COL17A1: variants seen among roughly 807,000 people sequenced by gnomAD.
COL17A1 encodes collagen type XVII alpha 1 chain.
In COL17A1, 181 loss-of-function variants were observed where a neutral mutation model predicts 218.4. The observed-to-expected ratio is 0.83, with a 90% confidence interval of 0.73 to 0.94. The LOEUF is 0.94. Among genes scored for constraint, COL17A1 ranks in the 40% least tolerant of loss-of-function variants. The pLI is 0.00. For missense variants in COL17A1, 1,924 were observed against 1,945.9 expected, an observed-to-expected ratio of 0.99 and a Z score of 0.21; for synonymous variants, 721 against 731.0, an observed-to-expected ratio of 0.99 and a Z score of 0.22.
Position 104,057,067 on chromosome 10 carries a change from C to T in COL17A1, c.1373G>A (p.Cys458Tyr). The T allele has an allele frequency of 6.2e-7, 1 of 1,611,182 alleles. No homozygotes were observed. The highest frequency in any genetic ancestry group is 2.2e-5 in the East Asian group (1 of 44,806). The change falls in exon 17 of 56, where the codon TGC (cysteine) becomes TAC (tyrosine). Residue 458 changes from cysteine to tyrosine, a missense_variant. Coordinates refer to ENST00000648076, the MANE Select transcript of COL17A1 (RefSeq NM_000494.4). ...PWGPAPAWCPCGSCCSWWKWL... is the reference protein window; with the variant it reads ...PWGPAPAWCPYGSCCSWWKWL... ...CTTCCACCAGCTGCAGCAGGAGCCGCAGGGGCACCAGGCTGGCGCTGGTCC... is the reference window on the plus strand; with the variant it reads ...CTTCCACCAGCTGCAGCAGGAGCCGTAGGGGCACCAGGCTGGCGCTGGTCC...
rs1176668482 is a variant in COL17A1 at position 104,049,324 on chromosome 10, G to A, written c.2227+85C>T. On this transcript the variant is annotated intron_variant, in intron 29 of 55. Transcript: ENST00000648076. Reference sequence around the variant, plus strand: ...GTGGGCAGATTAGAGAGTAGGAGAGGCAGCTCTAGAAGACGGATCTCTCCA... The same window carrying A: ...GTGGGCAGATTAGAGAGTAGGAGAGACAGCTCTAGAAGACGGATCTCTCCA... The A allele has an allele frequency of 6.5e-6, 8 of 1,236,778 alleles. No individual in the cohort carries two copies. In the Admixed American group the frequency reaches 1.2e-4, roughly 18 times the overall value. 76.6% of individuals were successfully genotyped at this position (1,236,778 alleles called of 1,614,324 possible).
At chr10:104,034,918 A>T in intron 50 of COL17A1, 151 bp from the exon 51 acceptor site, 2 of 944,984 alleles carry the variant, frequency 2.1e-6, no homozygotes, top group Non-Finnish European at 1.6e-6. Flanking sequence ...GCAGGAGGCC[A>T]GAGCCTGCTG....
chr10:104,035,287 C>G lies in COL17A1; in HGVS notation c.3595G>C (p.Glu1199Gln). The change falls in exon 50 of 56, where the codon GAG becomes CAG. Residue 1199 changes from glutamate (E) to glutamine (Q), a missense_variant. Transcript: ENST00000648076. ...PGNVWSSISV[E>Q]DLSSYLHTAG... ...CTATGTAAGTAAGACGAGAGGTCCT[C>G]CACGCTGATGCTGGACCACACATTG... 6.2e-7 allele frequency: 1 copy of G among 1,614,074 alleles called. No individual in the cohort carries two copies. Among genetic ancestry groups the G allele is most frequent in the Non-Finnish European group, 8.5e-7 (1 of 1,179,964 alleles).
chr10:104,078,000 T>C, intron 3 of COL17A1, among the ~76,000 whole-genome samples: 1 of 152,192 alleles, frequency 6.6e-6, no homozygotes, highest in Non-Finnish European at 1.5e-5. Context: ...CTGCTCCGAC[T>C]TCACCTGCTG....
At chr10:104,035,612 A>G (rs772755010) in intron 48 of COL17A1, 49 bp from the exon 49 acceptor site, 8 of 1,454,246 alleles carry the variant, frequency 5.5e-6, no homozygotes, top group Admixed American at 1.8e-5. Flanking sequence ...AGATGGAAAC[A>G]CCTGTCAGAG....
chr10:104,074,200 G>C lies in COL17A1; in HGVS notation c.363C>G (p.Tyr121Ter). Residue 121 changes from tyrosine to a stop codon, truncating the protein, a stop_gained, in exon 6 of 56, where the codon TAC (tyrosine) becomes TAG (stop). Transcript: ENST00000648076. LOFTEE classifies it high-confidence loss of function. ...GSSSGNSSPE[Y>*]PRKEFASSST... ...AGGACATACCAAATTCCTTCCGAGG[G>C]TACTCCGGAGAAGAGTTGCCACTGG... 1 of 1,614,160 alleles carries C rather than the reference G, an allele frequency of 6.2e-7. No individual in the cohort carries two copies. Among genetic ancestry groups the C allele is most frequent in the Non-Finnish European group, 8.5e-7 (1 of 1,180,034 alleles).
intron 50 of COL17A1, 113 bp from the exon 51 acceptor site, chr10:104,034,880 G>T: frequency 7.4e-7 from 1 of 1,345,068 alleles, no homozygotes; most frequent in South Asian, 1.4e-5. Flanking sequence ...ATGAGGCTGG[G>T]CCTCCCGGGT....
rs751104700 is a variant in COL17A1, at chr10:104,033,301, C to T, written c.4231G>A (p.Gly1411Ser). 119 of 1,603,632 alleles carry T rather than the reference C, an allele frequency of 7.4e-5. No individual in the cohort carries two copies. Among genetic ancestry groups the T allele is most frequent in the Non-Finnish European group, 9.8e-5 (115 of 1,175,220 alleles). Residue 1411 changes from glycine (G) to serine (S), a missense_variant, in exon 53 of 56, where the codon GGC (glycine) becomes AGC (serine). Gly to Ser is a moderately conservative substitution (Grantham distance 56, BLOSUM62 0). Coordinates refer to ENST00000648076, the MANE Select transcript of COL17A1 (RefSeq NM_000494.4). Reference protein sequence around the residue: ...PGQPGPQGPPGISKVFSAYSN... With the variant: ...PGQPGPQGPPSISKVFSAYSN... ...TAGGCAGAGAAGACCTTGCTGATGCCGGGTGGCCCCTGTGGCCCAGGCTGG... is the reference window on the plus strand; with the variant it reads ...TAGGCAGAGAAGACCTTGCTGATGCTGGGTGGCCCCTGTGGCCCAGGCTGG...
At chr10:104,033,896 C>A in intron 52 of COL17A1, 49 bp downstream of exon 52, 2 of 1,612,638 alleles carry the variant, frequency 1.2e-6, no homozygotes, top group Non-Finnish European at 1.7e-6. Context: ...TCTGGAGATG[C>A]TCCCACGCTC....
chr10:104,071,910 A>C (rs2086672024), intron 8 of COL17A1, 122 bp downstream of exon 8: 1 of 1,473,502 alleles, frequency 6.8e-7, no homozygotes, highest in Non-Finnish European at 9.4e-7. Context: ...TTATGATTGC[A>C]TGCATGTACA....
chr10:104,067,476 G>C (rs534576871), intron 9 of COL17A1, among the ~76,000 whole-genome samples: 2 of 152,132 alleles, frequency 1.3e-5, no homozygotes, highest in South Asian at 2.1e-4. Context: ...GGAATAAAAA[G>C]CCAATTAAGG....
chr10:104,052,043 T>G lies in COL17A1; in HGVS notation c.2002+112A>C. On this transcript the variant is annotated intron_variant, in intron 24 of 55. Coordinates refer to ENST00000648076, the MANE Select transcript of COL17A1 (RefSeq NM_000494.4). Reference sequence around the variant, plus strand: ...CCCACCCACCACCCCTGCACAGGCCTGGGGCAGGGGGTTAGGGCTGTCTGG... The same window carrying G: ...CCCACCCACCACCCCTGCACAGGCCGGGGGCAGGGGGTTAGGGCTGTCTGG... The G allele has an allele frequency of 2.1e-6, 3 of 1,435,094 alleles. No individual in the cohort carries two copies. The Admixed American group carries it at 5.0e-5, about 24-fold the overall frequency. The allele number at this position is 1,435,094 out of a possible 1,614,324, so 88.9% of individuals were successfully genotyped here. A position where few individuals can be genotyped will look rare whatever the true frequency, so the allele number is the denominator to read the frequency against.
At chr10:104,058,053 C>T (rs2134623050) in intron 16 of COL17A1, 93 bp downstream of exon 16, 1 of 1,570,062 alleles carries the variant, frequency 6.4e-7, no homozygotes, top group Middle Eastern at 2.0e-4. Flanking sequence ...CTGTGCACTG[C>T]ACTGCTTCCA....
At chr10:104,035,925 TGTGTGTATGG>T (rs1362781671) in intron 48 of COL17A1, among the ~76,000 whole-genome samples, 6 of 116,036 alleles carry the variant, frequency 5.2e-5, no homozygotes, top group African/African-American at 2.2e-4. Flanking sequence ...TGTATGAGTG[TGTGTGTATGG>T]GAGTGTATGG....
chr10:104,067,562 GCAGACGGACA>G (rs1395469440), intron 9 of COL17A1, among the ~76,000 whole-genome samples: 1 of 152,196 alleles, frequency 6.6e-6, no homozygotes, highest in African/African-American at 2.4e-5. Context: ...TGTCCATCTT[GCAGACGGACA>G]GAGGGGAGCC....
At position 104,064,441 on chromosome 10, in the gene COL17A1, A is replaced by C. The variant is rs750130081; in HGVS notation, c.763T>G (p.Ser255Ala). Residue 255 changes from serine to alanine, a missense_variant, in exon 10 of 56, where the codon TCA (serine) becomes GCA (alanine). Ser to Ala is a moderately conservative substitution (Grantham distance 99). Coordinates refer to ENST00000648076, the MANE Select transcript of COL17A1 (RefSeq NM_000494.4). ...GTGTGGGCTGCCCGCCAGGTACCTGATCCCGCAGAGTAGGCATTGGTGTTG... is the reference window on the plus strand; with the variant it reads ...GTGTGGGCTGCCCGCCAGGTACCTGCTCCCGCAGAGTAGGCATTGGTGTTG... ...LLNTNAYSAG[S>A]VFGVPNNMAS... is the part of the protein sequence containing the mutation. 6.2e-7 allele frequency: 1 copy of C among 1,614,088 alleles called. No homozygotes were observed. Among genetic ancestry groups the C allele is most frequent in the South Asian group, 1.1e-5 (1 of 91,080 alleles).
At chr10:104,046,724 G>A in intron 32 of COL17A1, 23 bp downstream of exon 32, 1 of 1,613,352 alleles carries the variant, frequency 6.2e-7, no homozygotes, top group Non-Finnish European at 8.5e-7. Flanking sequence ...GAGACAGCAG[G>A]TGGGAATGAT....
At chr10:104,036,236 G>T (rs931955364) in intron 48 of COL17A1, among the ~76,000 whole-genome samples, 1 of 152,014 alleles carries the variant, frequency 6.6e-6, no homozygotes, top group African/African-American at 2.4e-5. Context: ...GTATGGGAGT[G>T]TGTGTGAGAG....
At chr10:104,048,272 G>C (rs1198328001) in intron 29 of COL17A1, 168 bp from the exon 30 acceptor site, 7 of 782,020 alleles carry the variant, frequency 9.0e-6, no homozygotes, top group Non-Finnish European at 1.7e-5. Flanking sequence ...TACTCCCACT[G>C]CCCCTTCTCC....
Sources: gnomAD v4.1 joint callset for allele counts (sites outside exome capture counted in the v4.1 genomes callset) on GRCh38, gnomAD v4.1.1 for gene constraint, MANE v1.5 for transcripts, NCBI Gene and HGNC (gene_info 2026-07-23, HGNC 2026-07-21) for gene names.